Variants in ZC3H11A observed in about 807,000 individuals in gnomAD.
ZC3H11A encodes the protein zinc finger CCCH-type containing 11A, also known as zinc finger CCCH domain-containing protein 11A.
ZC3H11A carries 22 observed loss-of-function variants against 90.8 expected under a neutral mutation model. The observed-to-expected ratio is 0.24, with a 90% CI of 0.17 to 0.35. The LOEUF (loss-of-function observed/expected upper bound fraction) is 0.35, where lower values mean the gene tolerates loss of function less well. ZC3H11A is among the 10% of genes least tolerant of loss of function. ZC3H11A has a pLI of 1.00. For missense variants in ZC3H11A, 701 were observed against 964.9 expected (o/e 0.73, Z 3.62); for synonymous variants, 294 against 339.8 (o/e 0.87, Z 1.48).
At position 203,817,058 on chromosome 1, in the gene ZC3H11A, G is replaced by T. The variant is rs1676606152; in HGVS notation, c.-13G>T. 1 of 1,600,380 alleles carries T rather than the reference G, an allele frequency of 6.2e-7. No individual in the cohort carries two copies. Among genetic ancestry groups the T allele is most frequent in the Admixed American group, 1.7e-5 (1 of 57,880 alleles). On this transcript the variant is annotated 5_prime_UTR_variant, in exon 3 of 18. Transcript: ENST00000367210. ...TTTCAAGAAGCCACTTCTGATCTAA[G>T]AATCTACCCAGCATGCCTAATCAAG...
intron 10 of ZC3H11A, among the ~76,000 whole-genome samples, chr1:203,837,505 G>GT (rs1050837561): frequency 6.6e-6 from 1 of 150,996 alleles, no homozygotes; most frequent in Non-Finnish European, 1.5e-5. Flanking sequence ...CCAGGCAGGA[G>GT]TGTAGTATTA....
intron 10 of ZC3H11A, among the ~76,000 whole-genome samples, chr1:203,834,783 G>A (rs1024541198): frequency 2.6e-5 from 4 of 152,070 alleles, no homozygotes; most frequent in African/African-American, 9.7e-5. Flanking sequence ...TCAAGTAGCT[G>A]GGATTACAGG....
Position 203,798,246 on chromosome 1 carries a change from G to C in ZC3H11A, c.-1588+2452G>C, listed in dbSNP as rs571802658. ...TAAATCAGCATCTGATGCCCTAAGG[G>C]CAGAAAGAGGGAGATTTCTCATCAA... On this transcript the variant is annotated intron_variant, in intron 1 of 17. Coordinates refer to ENST00000367210, the MANE Select transcript of ZC3H11A (RefSeq NM_001376342.1). 2.8e-4 allele frequency: 430 copies of C among 1,536,104 alleles called. 1 individual carries two copies. The Middle Eastern group carries it at 7.0e-3, about 25-fold the overall frequency.
chr1:203,840,522 A>G (rs911581819), intron 12 of ZC3H11A, 148 bp downstream of exon 12: 2 of 677,530 alleles, frequency 3.0e-6, no homozygotes, highest in Non-Finnish European at 4.8e-6. Context: ...TGATCAAGTC[A>G]GCTCAGACTC....
chr1:203,850,094 A>G, intron 15 of ZC3H11A, 68 bp downstream of exon 15: 1 of 1,458,424 alleles, frequency 6.9e-7, no homozygotes, highest in Non-Finnish European at 9.3e-7. Flanking sequence ...AATTGTTGCC[A>G]GTAACTTCCT....
chr1:203,807,287 TTTTA>T (rs1299888727), intron 2 of ZC3H11A, among the ~76,000 whole-genome samples: 3 of 152,154 alleles, frequency 2.0e-5, no homozygotes, highest in East Asian at 1.9e-4. Context: ...TTTTTAAAAT[TTTTA>T]TTTATTTATT....
chr1:203,849,970 G>C lies in ZC3H11A; in HGVS notation c.1883G>C (p.Gly628Ala), dbSNP rs202156016. 3 of 1,614,072 alleles carry C rather than the reference G, an allele frequency of 1.9e-6. No homozygotes were observed. The highest frequency in any genetic ancestry group is 2.5e-6 in the Non-Finnish European group (3 of 1,180,012). The change falls in exon 15 of 18, where the codon GGA becomes GCA. Residue 628 changes from glycine (G) to alanine (A), a missense_variant. This residue lies in a region of ZC3H11A where 530 missense variants were observed against 696.2 expected (regional missense o/e 0.76). Transcript: ENST00000367210. ...GTGGAGGTAGAAACCTCAGGGATTG[G>C]AGACTCATTATTGAATGTGAAATGT... The part of the protein sequence containing the change: ...QKVEVETSGI[G>A]DSLLNVKCAA...
chr1:203,830,403 G>A (rs899419978), intron 8 of ZC3H11A, among the ~76,000 whole-genome samples, 200 bp downstream of exon 8: 3 of 152,142 alleles, frequency 2.0e-5, no homozygotes, highest in Admixed American at 6.5e-5. Flanking sequence ...TCAGAGCTGG[G>A]TACAATAAAG....
At chr1:203,842,850 A>G (rs1055863974) in intron 12 of ZC3H11A, among the ~76,000 whole-genome samples, 44 of 151,446 alleles carry the variant, frequency 2.9e-4, no homozygotes, top group African/African-American at 1.0e-3. Flanking sequence ...AAATTATGAA[A>G]TATAACTACA....
At chr1:203,810,423 G>GTTTTT (rs765335556) in intron 2 of ZC3H11A, among the ~76,000 whole-genome samples, 3 of 138,792 alleles carry the variant, frequency 2.2e-5, no homozygotes, top group East Asian at 2.1e-4. Flanking sequence ...TAGCTGTTAG[G>GTTTTT]TTTTTTTTTT....
chr1:203,814,641 G>A (rs1174283196), intron 2 of ZC3H11A, among the ~76,000 whole-genome samples: 1 of 152,114 alleles, frequency 6.6e-6, no homozygotes, highest in Non-Finnish European at 1.5e-5. Context: ...TTTAGCAGCA[G>A]TTTCTTCTAG....
intron 4 of ZC3H11A, among the ~76,000 whole-genome samples, chr1:203,819,085 T>TACACACAC (rs1329539748): frequency 7.6e-5 from 5 of 65,972 alleles, no homozygotes; most frequent in African/African-American, 2.2e-4. Flanking sequence ...AAAATATATA[T>TACACACAC]ATATACACAC....
intron 2 of ZC3H11A, among the ~76,000 whole-genome samples, chr1:203,809,761 C>G (rs887689099): frequency 6.6e-6 from 1 of 152,046 alleles, no homozygotes; most frequent in African/African-American, 2.4e-5. Flanking sequence ...CGAGACCAAT[C>G]TGGCCAACAT....
At chr1:203,819,225 T>A (rs12403727) in intron 4 of ZC3H11A, among the ~76,000 whole-genome samples, 18,579 of 150,012 alleles carry the variant, frequency 0.12, 1,522 homozygotes, top group East Asian at 0.29. Flanking sequence ...TCTTTCTTTT[T>A]ATTTTTTTTT....
intron 2 of ZC3H11A, chr1:203,806,308 CTT>C (rs201752688): frequency 4.5e-4 from 95 of 211,586 alleles, no homozygotes; most frequent in Middle Eastern, 1.8e-3. Context: ...TTTCTTTTTC[CTT>C]TTTTTTTTTG....
intron 2 of ZC3H11A, among the ~76,000 whole-genome samples, chr1:203,813,765 C>T (rs550168746): frequency 6.6e-6 from 1 of 152,130 alleles, no homozygotes; most frequent in East Asian, 1.9e-4. Context: ...CTTGGCATTC[C>T]TTGGTTTGTA....
chr1:203,840,388 A>G lies in ZC3H11A; in HGVS notation c.1042+14A>G. The G allele has an allele frequency of 1.2e-6, 2 of 1,609,404 alleles. No homozygotes were observed. Among genetic ancestry groups the G allele is most frequent in the South Asian group, 1.1e-5 (1 of 90,298 alleles). ...AGGATGCAACAGGTAAGTAAATCCTAAGACCAGATTCTGATTATTTTTTTC... is the reference window on the plus strand; with the variant it reads ...AGGATGCAACAGGTAAGTAAATCCTGAGACCAGATTCTGATTATTTTTTTC... On this transcript the variant is annotated intron_variant, in intron 12 of 17. Coordinates refer to ENST00000367210, the MANE Select transcript of ZC3H11A (RefSeq NM_001376342.1).
At chr1:203,804,440 C>T (rs887979309) in intron 2 of ZC3H11A, among the ~76,000 whole-genome samples, 2 of 152,074 alleles carry the variant, frequency 1.3e-5, no homozygotes, top group Non-Finnish European at 2.9e-5. Context: ...GCATGAGCCA[C>T]CACGCCCGGC....
chr1:203,814,474 A>G (rs983986646), intron 2 of ZC3H11A, among the ~76,000 whole-genome samples: 2 of 152,190 alleles, frequency 1.3e-5, no homozygotes, highest in Non-Finnish European at 2.9e-5. Context: ...CAGTGAGCCA[A>G]GATGGCACCA....
Sources: allele counts gnomAD v4.1 joint callset (sites outside exome capture counted in the v4.1 genomes callset), GRCh38; gene constraint gnomAD v4.1.1; regional missense constraint gnomAD v4.1.1; transcripts MANE v1.5; gene names NCBI Gene and HGNC (gene_info 2026-07-23, HGNC 2026-07-21).